The following ERC2 variants were observed in gnomAD, a reference collection of about 807,000 sequenced individuals.
ERC2 encodes ELKS/RAB6-interacting/CAST family member 2.
ERC2 carries 42 observed loss-of-function variants against 114.8 expected under a neutral mutation model. That is an observed-to-expected ratio of 0.37 (90% confidence interval 0.29 to 0.47). The LOEUF (loss-of-function observed/expected upper bound fraction) is 0.47, where lower values mean the gene tolerates loss of function less well. Among genes scored for constraint, ERC2 ranks in the 20% least tolerant of loss-of-function variants. ERC2 has a pLI of 0.99. For missense variants in ERC2, 939 were observed against 1,150.7 expected (o/e 0.82, Z 2.66); for synonymous variants, 454 against 425.5 (o/e 1.07, Z -0.82).
intron 1 of ERC2, among the ~76,000 whole-genome samples, chr3:56,444,109 C>T (rs1338394281): frequency 6.6e-6 from 1 of 151,404 alleles, no homozygotes; most frequent in Non-Finnish European, 1.5e-5. Context: ...ACCAAGGCGC[C>T]CACCACCACA....
intron 14 of ERC2, among the ~76,000 whole-genome samples, chr3:55,745,550 C>T (rs1036995419): frequency 6.6e-6 from 1 of 152,082 alleles, no homozygotes; most frequent in Non-Finnish European, 1.5e-5. Context: ...CTTGTTATTC[C>T]CGTTCAGTAA....
At chr3:55,941,116 T>A (rs1314483732) in intron 13 of ERC2, among the ~76,000 whole-genome samples, 1 of 152,238 alleles carries the variant, frequency 6.6e-6, no homozygotes, top group East Asian at 1.9e-4. Context: ...AAACAATTCA[T>A]TGTGTGTACA....
chr3:55,982,422 AT>A (rs2070225450), intron 12 of ERC2, among the ~76,000 whole-genome samples: 1 of 152,186 alleles, frequency 6.6e-6, no homozygotes, highest in African/African-American at 2.4e-5. Context: ...TGGAAAAAAA[AT>A]AATAGTCCCA....
At chr3:55,796,724 C>T (rs1337044144) in intron 14 of ERC2, among the ~76,000 whole-genome samples, 1 of 152,180 alleles carries the variant, frequency 6.6e-6, no homozygotes, top group African/African-American at 2.4e-5. Flanking sequence ...TGGGCCCAGC[C>T]CCACTGCCTG....
chr3:56,231,931 GA>G (rs544978948), intron 3 of ERC2, among the ~76,000 whole-genome samples: 2 of 146,448 alleles, frequency 1.4e-5, no homozygotes, highest in African/African-American at 2.5e-5. Context: ...TAACAAACTA[GA>G]AAAAAAAATC....
At chr3:56,016,144 C>T (rs763242005) in intron 8 of ERC2, among the ~76,000 whole-genome samples, 2 of 152,136 alleles carry the variant, frequency 1.3e-5, no homozygotes, top group Non-Finnish European at 2.9e-5. Flanking sequence ...AATTTTCTCC[C>T]ATTCTGTAGG....
At chr3:56,004,383 T>C (rs2072311437) in intron 10 of ERC2, among the ~76,000 whole-genome samples, 1 of 152,030 alleles carries the variant, frequency 6.6e-6, no homozygotes, top group Non-Finnish European at 1.5e-5. Flanking sequence ...CTCACTAATA[T>C]CAGTAAAAAT....
intron 14 of ERC2, among the ~76,000 whole-genome samples, chr3:55,826,829 T>C (rs1451752715): frequency 6.6e-6 from 1 of 152,200 alleles, no homozygotes; most frequent in Non-Finnish European, 1.5e-5. Flanking sequence ...TCCAAAAAGA[T>C]TTAAAATAGC....
intron 17 of ERC2, among the ~76,000 whole-genome samples, chr3:55,627,650 C>T (rs1050665780): frequency 1.3e-5 from 2 of 152,024 alleles, no homozygotes; most frequent in Admixed American, 1.3e-4. Flanking sequence ...AAACACAGGA[C>T]CATAGAGCTG....
chr3:56,006,115 T>G (rs750152419), intron 10 of ERC2, among the ~76,000 whole-genome samples: 23 of 152,092 alleles, frequency 1.5e-4, no homozygotes, highest in Non-Finnish European at 2.6e-4. Context: ...TGTATTTATC[T>G]TTTTCTGTAT....
intron 4 of ERC2, among the ~76,000 whole-genome samples, chr3:56,165,915 G>A (rs764197383): frequency 6.6e-6 from 1 of 151,598 alleles, no homozygotes; most frequent in African/African-American, 2.4e-5. Flanking sequence ...TACCTAGGAT[G>A]TCCATAGCAT....
At chr3:56,044,694 T>G (rs2075372604) in intron 7 of ERC2, among the ~76,000 whole-genome samples, 2 of 152,104 alleles carry the variant, frequency 1.3e-5, no homozygotes, top group Admixed American at 1.3e-4. Flanking sequence ...AGAGATAGCA[T>G]TTCAAAAAAT....
intron 6 of ERC2, among the ~76,000 whole-genome samples, chr3:56,128,895 G>A (rs965692887): frequency 8.5e-5 from 13 of 152,276 alleles, no homozygotes; most frequent in Non-Finnish European, 1.8e-4. Context: ...AATCTGTCCC[G>A]TTTCAAATTA....
chr3:56,047,986 T>G (rs2075562441), intron 7 of ERC2, among the ~76,000 whole-genome samples: 1 of 152,214 alleles, frequency 6.6e-6, no homozygotes, highest in Non-Finnish European at 1.5e-5. Context: ...ACAATAACCC[T>G]GCAATTCATG....
intron 17 of ERC2, among the ~76,000 whole-genome samples, chr3:55,678,542 A>T (rs567576815): frequency 6.6e-6 from 1 of 152,166 alleles, no homozygotes; most frequent in African/African-American, 2.4e-5. Context: ...ATAACTACTG[A>T]TTTTGCTTTG....
At chr3:55,680,275 T>C (rs1412196741) in intron 17 of ERC2, among the ~76,000 whole-genome samples, 1 of 152,182 alleles carries the variant, frequency 6.6e-6, no homozygotes, top group African/African-American at 2.4e-5. Flanking sequence ...GTTTAAGAAA[T>C]AAAAACTTGT....
Position 55,668,970 on chromosome 3 carries a change from A to G in ERC2, c.*39+14824T>C, listed in dbSNP as rs190402533. 4.9e-3 allele frequency among the ~76,000 whole-genome samples: 753 copies of G among 152,330 alleles called. 12 individuals carry two copies. The highest frequency in any genetic ancestry group is 0.017 in the African/African-American group (714 of 41,586). ...GGTAAGTATTAGTTAAGTGCTACAT[A>G]GCATAGTATGCAACGGTTATCCCTC... On this transcript the variant is annotated intron_variant, in intron 17 of 17. Coordinates refer to ENST00000288221, the MANE Select transcript of ERC2 (RefSeq NM_015576.3).
chr3:55,948,560 T>G (rs1433298565), intron 13 of ERC2, among the ~76,000 whole-genome samples: 2 of 152,372 alleles, frequency 1.3e-5, no homozygotes, highest in East Asian at 3.9e-4. Flanking sequence ...TTAATCGTGA[T>G]TACTTTTTAT....
chr3:55,927,107 A>T (rs768320082), intron 13 of ERC2, among the ~76,000 whole-genome samples: 4 of 152,322 alleles, frequency 2.6e-5, no homozygotes, highest in Admixed American at 2.0e-4. Context: ...GACTTGCCTC[A>T]TTAGAAGCTT....
Sources: allele counts gnomAD v4.1 joint callset (sites outside exome capture counted in the v4.1 genomes callset), GRCh38; gene constraint gnomAD v4.1.1; transcripts MANE v1.5; gene names NCBI Gene and HGNC (gene_info 2026-07-23, HGNC 2026-07-21).